RBKS: variants seen among roughly 807,000 people sequenced by gnomAD.
The protein encoded by RBKS is ribokinase.
RBKS carries 33 observed loss-of-function variants against 33.9 expected under a neutral mutation model. The ratio of observed to expected loss-of-function variants is 0.97; its 90% confidence interval spans 0.74 to 1.30. RBKS has a LOEUF of 1.30. Ranked by LOEUF, RBKS falls within the 50% of genes most tolerant of loss-of-function variation. RBKS has a pLI of 0.00. For missense variants in RBKS, 361 were observed against 392.6 expected, an observed-to-expected ratio of 0.92 and a Z score of 0.68; for synonymous variants, 125 against 143.0, an observed-to-expected ratio of 0.87 and a Z score of 0.90.
At position 27,841,729 on chromosome 2, in the gene RBKS, A is replaced by AACACACACACACACACACACACAC. The variant is rs35205983; in HGVS notation, c.514+1314_514+1337dup. Reference sequence around the variant, plus strand: ...CACTTTGGGAGAAATCACTTATATAAACACACACACACACACACACACACA... The same window carrying AACACACACACACACACACACACAC: ...CACTTTGGGAGAAATCACTTATATAAACACACACACACACACACACACACACACACACACACACACACACACACA... On this transcript the variant is annotated intron_variant, in intron 5 of 7. Transcript: ENST00000302188. Among the ~76,000 whole-genome samples the AACACACACACACACACACACACAC allele has an allele frequency of 2.9e-4, 41 of 142,270 alleles. No individual in the cohort carries two copies. The East Asian group carries it at 4.8e-3, about 17-fold the overall frequency. The allele number at this position is 142,270 out of a possible 152,430, so 93.3% of individuals were successfully genotyped here. A position where few individuals can be genotyped will look rare whatever the true frequency, so the allele number is the denominator to read the frequency against.
At position 27,843,062 on chromosome 2, in the gene RBKS, A is replaced by G. The variant is rs1298205610; in HGVS notation, c.514+5T>C. 1.3e-6 allele frequency: 2 copies of G among 1,567,410 alleles called. No individual in the cohort carries two copies. The highest frequency in any genetic ancestry group is 3.9e-5 in the Admixed American group (2 of 51,186). On this transcript the variant is annotated splice_donor_5th_base_variant and intron_variant, in intron 5 of 7. Transcript: ENST00000302188. Reference sequence around the variant, plus strand: ...ATAGAAAGAATGACAAATATGTATAATTACCTCCACTCCTGCGGGCCATTG... The same window carrying G: ...ATAGAAAGAATGACAAATATGTATAGTTACCTCCACTCCTGCGGGCCATTG...
chr2:27,793,273 C>T, intron 7 of RBKS, among the ~76,000 whole-genome samples: 1 of 152,186 alleles, frequency 6.6e-6, no homozygotes. Flanking sequence ...TCAATGGAGG[C>T]ATTAACACTG....
intron 7 of RBKS, among the ~76,000 whole-genome samples, chr2:27,801,464 T>TACACACACACACACACAC (rs56063622): frequency 2.2e-5 from 3 of 136,260 alleles, no homozygotes; most frequent in African/African-American, 5.6e-5. Flanking sequence ...GGCCACAGTA[T>TACACACACACACACACAC]ACACACACAC....
intron 2 of RBKS, among the ~76,000 whole-genome samples, chr2:27,850,913 C>T (rs991106077): frequency 6.6e-6 from 1 of 152,216 alleles, no homozygotes; most frequent in African/African-American, 2.4e-5. Context: ...ACTGGGTCCA[C>T]ATTCCTGCAA....
intron 1 of RBKS, chr2:27,861,630 G>T: frequency 2.2e-6 from 1 of 458,192 alleles, no homozygotes; most frequent in Non-Finnish European, 4.5e-6. Flanking sequence ...AATAATTCAC[G>T]GAATAAGGAG....
chr2:27,794,337 AT>A (rs1677597691), intron 7 of RBKS, among the ~76,000 whole-genome samples: 1 of 147,636 alleles, frequency 6.8e-6, no homozygotes, highest in African/African-American at 2.5e-5. Flanking sequence ...AATAATAATA[AT>A]AATAATAATA....
intron 1 of RBKS, among the ~76,000 whole-genome samples, chr2:27,867,319 A>T (rs768332293): frequency 6.6e-6 from 1 of 152,168 alleles, no homozygotes; most frequent in Non-Finnish European, 1.5e-5. Flanking sequence ...ATTATATTAT[A>T]GAAAGTTGAG....
At chr2:27,840,372 A>G (rs1403276832) in intron 5 of RBKS, among the ~76,000 whole-genome samples, 331 of 138,892 alleles carry the variant, frequency 2.4e-3, no homozygotes, top group Middle Eastern at 3.5e-3. Flanking sequence ...GCGCACACAC[A>G]CACACACACA....
chr2:27,841,729 A>AACACACACAC (rs35205983), intron 5 of RBKS, among the ~76,000 whole-genome samples: 6,152 of 142,180 alleles, frequency 0.043, 185 homozygotes, highest in African/African-American at 0.084. Flanking sequence ...CACTTATATA[A>AACACACACAC]ACACACACAC....
In RBKS at chr2:27,801,992, A is replaced by ATTT. The variant is rs1179237576; in HGVS notation, c.796-20207_796-20205dup. On this transcript the variant is annotated intron_variant, in intron 7 of 7. Coordinates refer to ENST00000302188, the MANE Select transcript of RBKS (RefSeq NM_022128.3). ...TATATATATATATATATATATATATATTTTTTTTTTTTTTTTTTTTTTTTT... is the reference window on the plus strand; with the variant it reads ...TATATATATATATATATATATATATATTTTTTTTTTTTTTTTTTTTTTTTTTTT... Among the ~76,000 whole-genome samples, 18 of 42,690 alleles carry ATTT rather than the reference A, an allele frequency of 4.2e-4. 1 individual carries two copies. The highest frequency in any genetic ancestry group is 3.7e-3 in the East Asian group (4 of 1,088). The allele number at this position is 42,690 out of a possible 152,430, so 28.0% of individuals were successfully genotyped here. A position where few individuals can be genotyped will look rare whatever the true frequency, so the allele number is the denominator to read the frequency against.
At chr2:27,786,265 T>G (rs1677399294) in intron 7 of RBKS, among the ~76,000 whole-genome samples, 1 of 152,212 alleles carries the variant, frequency 6.6e-6, no homozygotes, top group South Asian at 2.1e-4. Context: ...TTTTATATTG[T>G]TTGATTTGCT....
chr2:27,829,785 T>G (rs1678385804), intron 6 of RBKS, among the ~76,000 whole-genome samples: 1 of 152,134 alleles, frequency 6.6e-6, no homozygotes, highest in South Asian at 2.1e-4. Flanking sequence ...GCCAGTCCAG[T>G]CACTAAGTCA....
In RBKS at chr2:27,800,991, G is replaced by A. The variant is rs72853255; in HGVS notation, c.796-19203C>T. 4.0e-3 allele frequency among the ~76,000 whole-genome samples: 607 copies of A among 152,314 alleles called. 5 individuals are homozygous for A. The highest frequency in any genetic ancestry group is 0.014 in the African/African-American group (571 of 41,578). On this transcript the variant is annotated intron_variant, in intron 7 of 7. Transcript: ENST00000302188. ...AGAGCTGGGGCGGGTAAGGCTGCAG[G>A]ACAGGATGGGAACAGGGTTACTGCT...
chr2:27,847,220 G>T, intron 3 of RBKS, 116 bp from the exon 4 acceptor site: 1 of 584,988 alleles, frequency 1.7e-6, no homozygotes, highest in Non-Finnish European at 3.1e-6. Flanking sequence ...TTAACCATCT[G>T]GAATGATAAA....
rs866841680 is a variant in RBKS at position 27,781,615 on chromosome 2, T to A, written c.969A>T (p.Ter323CysextTer7). Residue 323 changes from the stop codon to cysteine (C), a stop_lost, in exon 8 of 8, where the codon TGA (stop) becomes TGT (cysteine). Coordinates refer to ENST00000302188, the MANE Select transcript of RBKS (RefSeq NM_022128.3). ...YKKDLPLTLF[*>C] Reference sequence around the variant, plus strand: ...ATATTTATTTTGGGACTAATAGCAATCAAAACAGAGTAAGCGGAAGGTCTT... The same window carrying A: ...ATATTTATTTTGGGACTAATAGCAAACAAAACAGAGTAAGCGGAAGGTCTT... 15 of 1,606,936 alleles carry A rather than the reference T, an allele frequency of 9.3e-6. No homozygotes were observed. In the African/African-American group the frequency reaches 2.0e-4, roughly 22 times the overall value.
At chr2:27,840,533 G>T (rs1558547096) in intron 5 of RBKS, among the ~76,000 whole-genome samples, 1 of 151,544 alleles carries the variant, frequency 6.6e-6, no homozygotes, top group Non-Finnish European at 1.5e-5. Flanking sequence ...ATGTGTGTTC[G>T]TGTGTGTGTG....
At chr2:27,812,182 T>A (rs950659083) in intron 7 of RBKS, among the ~76,000 whole-genome samples, 1 of 152,146 alleles carries the variant, frequency 6.6e-6, no homozygotes. Flanking sequence ...AGATACCATC[T>A]CACACCAGTT....
At chr2:27,839,842 T>C (rs1163693375) in intron 5 of RBKS, among the ~76,000 whole-genome samples, 2 of 152,020 alleles carry the variant, frequency 1.3e-5, no homozygotes, top group African/African-American at 4.8e-5. Context: ...CAAAGTGACA[T>C]GAAAGAACTG....
intron 1 of RBKS, among the ~76,000 whole-genome samples, chr2:27,888,120 TTTC>T (rs1172440305): frequency 4.0e-5 from 6 of 151,602 alleles, no homozygotes; most frequent in African/African-American, 1.5e-4. Context: ...ATGAGAAAAT[TTTC>T]TTTTCTTTTC....
Sources: gnomAD v4.1 joint callset for allele counts (sites outside exome capture counted in the v4.1 genomes callset) on GRCh38, gnomAD v4.1.1 for gene constraint, MANE v1.5 for transcripts, NCBI Gene and HGNC (gene_info 2026-07-23, HGNC 2026-07-21) for gene names.